GRIN2D: variants seen among roughly 807,000 people sequenced by gnomAD.
The protein encoded by GRIN2D is glutamate receptor ionotropic, NMDA 2D.
A neutral mutation model predicts 103.2 loss-of-function variants in GRIN2D; 37 were observed. The ratio of observed to expected loss-of-function variants is 0.36; its 90% confidence interval spans 0.28 to 0.47. GRIN2D has a LOEUF of 0.47. Among genes scored for constraint, GRIN2D ranks in the 20% least tolerant of loss-of-function variants. GRIN2D has a pLI of 1.00. For synonymous variants in GRIN2D, 845 were observed against 885.6 expected, an observed-to-expected ratio of 0.95 and a Z score of 0.81; for missense variants, 1,557 against 1,910.6, an observed-to-expected ratio of 0.81 and a Z score of 3.45.
chr19:48,432,555 T>C (rs1387193289), intron 11 of GRIN2D, among the ~76,000 whole-genome samples: 1 of 151,484 alleles, frequency 6.6e-6, no homozygotes, highest in Non-Finnish European at 1.5e-5. Flanking sequence ...CATAGCTCAC[T>C]GCAGCCTTGA....
intron 3 of GRIN2D, 93 bp downstream of exon 3, chr19:48,398,950 A>C: frequency 4.0e-5 from 10 of 252,452 alleles, no homozygotes; most frequent in East Asian, 3.8e-4. Context: ...CGGGGCCTAG[A>C]GGGGGCGGGG....
In GRIN2D at chr19:48,443,624, C is replaced by T; in HGVS notation, c.3698C>T (p.Pro1233Leu). 9.2e-7 allele frequency: 1 copy of T among 1,081,246 alleles called. No individual in the cohort carries two copies. Among genetic ancestry groups the T allele is most frequent in the African/African-American group, 1.7e-5 (1 of 58,828 alleles). 67.0% of individuals were successfully genotyped at this position (1,081,246 alleles called of 1,614,324 possible). The change falls in exon 14 of 14, where the codon CCG becomes CTG. Residue 1233 changes from proline (P) to leucine (L), a missense_variant. Transcript: ENST00000263269. This position sits in a 1 kb window ranked among gnomAD's most constrained non-coding sequence, Gnocchi z 8.9. ...CGCTGCGGGTGCCCGCGGTCGCACC[C>T]GCACCGCCCGCGGGCCTCGCACCGC... ...RARCGCPRSHPHRPRASHRTP... is the reference protein window; with the variant it reads ...RARCGCPRSHLHRPRASHRTP...
chr19:48,441,362 C>CAAAAAA (rs1173219939), intron 11 of GRIN2D, among the ~76,000 whole-genome samples: 8 of 127,320 alleles, frequency 6.3e-5, no homozygotes, highest in African/African-American at 2.3e-4. Context: ...GACTCTGTCT[C>CAAAAAA]AAAAAAAAAA....
intron 3 of GRIN2D, 35 bp downstream of exon 3, chr19:48,398,892 G>A (rs948096731): frequency 1.8e-5 from 23 of 1,307,636 alleles, no homozygotes; most frequent in African/African-American, 3.1e-5. Context: ...GGCCACAGGA[G>A]GGGCGGGGAC....
rs1970601010 is a variant in GRIN2D, at chr19:48,394,155, G to A, written c.-306+287G>A. Among the ~76,000 whole-genome samples, 2 of 152,066 alleles carry A rather than the reference G, an allele frequency of 1.3e-5. No individual in the cohort carries two copies. The highest frequency in any genetic ancestry group is 1.3e-4 in the Admixed American group (2 of 15,276). Reference sequence around the variant, plus strand: ...CAAACAGCCCCTATCAGCAGTGGCAGCCTGGCCCCCATTAGACCCCCCACT... The same window carrying A: ...CAAACAGCCCCTATCAGCAGTGGCAACCTGGCCCCCATTAGACCCCCCACT... On this transcript the variant is annotated intron_variant, in intron 1 of 13. Transcript: ENST00000263269. This position sits in a 1 kb window ranked among gnomAD's most constrained non-coding sequence, Gnocchi z 5.1.
rs377156868 is a variant in GRIN2D at position 48,405,099 on chromosome 19, C to G, written c.831C>G (p.Pro277=). ...GSGYVWFMVG[P]QLAGGGGSGA... is the part of the protein sequence containing the mutation. Reference sequence around the variant, plus strand: ...GCTACGTCTGGTTCATGGTGGGGCCCCAGCTGGCTGGAGGCGGGGGCTCTG... The same window carrying G: ...GCTACGTCTGGTTCATGGTGGGGCCGCAGCTGGCTGGAGGCGGGGGCTCTG... Residue 277 remains proline (P), a synonymous_variant, in exon 4 of 14, where the codon CCC becomes CCG. Coordinates refer to ENST00000263269, the MANE Select transcript of GRIN2D (RefSeq NM_000836.4). The surrounding 1 kb of genome is among the most constrained non-coding windows in gnomAD (Gnocchi z 5.1). 198 of 1,595,436 alleles carry G rather than the reference C, an allele frequency of 1.2e-4. No homozygotes were observed. Among genetic ancestry groups the G allele is most frequent in the Non-Finnish European group, 1.7e-4 (194 of 1,170,642 alleles).
At chr19:48,431,379 C>T (rs1278631179) in intron 11 of GRIN2D, among the ~76,000 whole-genome samples, 3 of 152,176 alleles carry the variant, frequency 2.0e-5, no homozygotes, top group Non-Finnish European at 4.4e-5. Flanking sequence ...ACTTGATGGA[C>T]AGTCAGGCTG....
chr19:48,418,686 C>T (rs144474077), intron 8 of GRIN2D, among the ~76,000 whole-genome samples: 114 of 152,132 alleles, frequency 7.5e-4, no homozygotes, highest in South Asian at 4.6e-3. Flanking sequence ...GGGAGGACGG[C>T]AAATGAGGTT....
rs1001282692 is a variant in GRIN2D, at chr19:48,408,223, A to T, written c.1085+2870A>T. On this transcript the variant is annotated intron_variant, in intron 4 of 13. Coordinates refer to ENST00000263269, the MANE Select transcript of GRIN2D (RefSeq NM_000836.4). ...GTGGCGGGCGCCTGTAGTCCCAGCT[A>T]CTCGGGAGGCTGAGGCAGGAGAATG... Among the ~76,000 whole-genome samples the T allele has an allele frequency of 4.7e-5, 7 of 148,832 alleles. 2 individuals carry two copies. Among genetic ancestry groups the T allele is most frequent in the South Asian group, 2.1e-4 (1 of 4,658 alleles).
chr19:48,404,020 A>G (rs1036028584), intron 3 of GRIN2D, among the ~76,000 whole-genome samples: 2 of 152,192 alleles, frequency 1.3e-5, no homozygotes, highest in African/African-American at 4.8e-5. Context: ...CGGGTGGATC[A>G]TCTGAGGTCA....
rs961621568 is a variant in GRIN2D, at chr19:48,393,858, C to A, written c.-316C>A. Among the ~76,000 whole-genome samples, 5 of 152,074 alleles carry A rather than the reference C, an allele frequency of 3.3e-5. No homozygotes were observed. Among genetic ancestry groups the A allele is most frequent in the South Asian group, 2.1e-4 (1 of 4,816 alleles). On this transcript the variant is annotated 5_prime_UTR_variant, in exon 1 of 14. Coordinates refer to ENST00000263269, the MANE Select transcript of GRIN2D (RefSeq NM_000836.4). The surrounding 1 kb of genome is among the most constrained non-coding windows in gnomAD (Gnocchi z 5.6). ...CCCCCAGGGGTCTCTCGAGCGTCTG[C>A]CATCTGCCCGGTGAGGATCTGTGTG... is the stretch of plus-strand genomic sequence containing the variant.
In GRIN2D at chr19:48,443,225, C is replaced by A. The variant is rs1455185279; in HGVS notation, c.3299C>A (p.Pro1100Gln). Residue 1100 changes from proline (P) to glutamine (Q), a missense_variant, in exon 14 of 14, where the codon CCG becomes CAG. Pro to Gln is a moderately conservative substitution (Grantham distance 76). Transcript: ENST00000263269. This position sits in a 1 kb window ranked among gnomAD's most constrained non-coding sequence, Gnocchi z 8.9. ...GCTCCGCCCCCGTGCCGCGCCGCGC[C>A]GCCCCCGTGCCCTTACCTCGATCTC... ...PAAPPPCRAA[P>Q]PPCPYLDLEP... 7 of 1,346,970 alleles carry A rather than the reference C, an allele frequency of 5.2e-6. No individual in the cohort carries two copies. In the African/African-American group the frequency reaches 6.1e-5, roughly 12 times the overall value. The allele number at this position is 1,346,970 out of a possible 1,614,324, so 83.4% of individuals were successfully genotyped here.
intron 7 of GRIN2D, 37 bp downstream of exon 7, chr19:48,415,069 C>T: frequency 3.3e-6 from 5 of 1,538,446 alleles, no homozygotes; most frequent in Non-Finnish European, 4.4e-6. Flanking sequence ...ATCTTCGGGG[C>T]GGAGTCGAGA....
chr19:48,395,160 C>T (rs568496914), intron 2 of GRIN2D, among the ~76,000 whole-genome samples: 5 of 151,994 alleles, frequency 3.3e-5, no homozygotes, highest in Admixed American at 6.5e-5. Flanking sequence ...AGACCTTTCA[C>T]GCCCCCATTT....
rs769021648 is a variant in GRIN2D at position 48,443,434 on chromosome 19, C to A, written c.3508C>A (p.Pro1170Thr). Reference protein sequence around the residue: ...GWRAGSWDYLPPRSGPAAWHC... With the variant: ...GWRAGSWDYLTPRSGPAAWHC... ...GCGCGCCGGGAGCTGGGACTACCTG[C>A]CCCCGCGCAGCGGTCCGGCCGCCTG... The change falls in exon 14 of 14, where the codon CCC becomes ACC. Residue 1170 changes from proline to threonine, a missense_variant. Pro to Thr is a conservative substitution (Grantham distance 38). Around this residue, in one of 7 missense-constraint regions of GRIN2D, gnomAD observed 632 missense variants for 572.8 expected, o/e 1.10. Coordinates refer to ENST00000263269, the MANE Select transcript of GRIN2D (RefSeq NM_000836.4). The surrounding 1 kb of genome is among the most constrained non-coding windows in gnomAD (Gnocchi z 8.9). The A allele has an allele frequency of 1.4e-6, 2 of 1,389,854 alleles. No homozygotes were observed. The highest frequency in any genetic ancestry group is 3.3e-5 in the Admixed American group (1 of 30,302). 86.1% of individuals were successfully genotyped at this position (1,389,854 alleles called of 1,614,324 possible).
rs1360207254 is a variant in GRIN2D at position 48,398,416 on chromosome 19, CGGCCCTCGG to C, written c.30_38del (p.Arg11_Pro13del). On this transcript the variant is annotated inframe_deletion, in exon 3 of 14. Coordinates refer to ENST00000263269, the MANE Select transcript of GRIN2D (RefSeq NM_000836.4). ...CGATGCGCGGCGCCGGTGGCCCCCG[CGGCCCTCGG>C]GGCCCCGCTAAGATGCTGCTGCTGC... 6 of 1,117,444 alleles carry C rather than the reference CGGCCCTCGG, an allele frequency of 5.4e-6. No homozygotes were observed. The highest frequency in any genetic ancestry group is 1.7e-5 in the African/African-American group (1 of 60,152). The allele number at this position is 1,117,444 out of a possible 1,614,324, so 69.2% of individuals were successfully genotyped here. A position where few individuals can be genotyped will look rare whatever the true frequency, so the allele number is the denominator to read the frequency against.
In GRIN2D at chr19:48,414,140, G is replaced by A. The variant is rs1326738530; in HGVS notation, c.1200+35G>A. 1 of 1,264,578 alleles carries A rather than the reference G, an allele frequency of 7.9e-7. No individual in the cohort carries two copies. The highest frequency in any genetic ancestry group is 1.7e-5 in the Admixed American group (1 of 58,370). The allele number at this position is 1,264,578 out of a possible 1,614,324, so 78.3% of individuals were successfully genotyped here. On this transcript the variant is annotated intron_variant, in intron 5 of 13. Transcript: ENST00000263269. This position sits in a 1 kb window ranked among gnomAD's most constrained non-coding sequence, Gnocchi z 4.6. ...AGCCCCAGACCTCAGGCATGGCAGA[G>A]GGTGTGGACTCCTGCATCCTGGCAG... is the stretch of plus-strand genomic sequence containing the variant.
intron 11 of GRIN2D, among the ~76,000 whole-genome samples, chr19:48,437,028 A>G (rs1971240652): frequency 6.6e-6 from 1 of 152,214 alleles, no homozygotes; most frequent in Non-Finnish European, 1.5e-5. Context: ...GAGTGGGAAC[A>G]AACAAGAAAG....
chr19:48,401,394 G>A (rs1970709455), intron 3 of GRIN2D, among the ~76,000 whole-genome samples: 1 of 152,198 alleles, frequency 6.6e-6, no homozygotes, highest in South Asian at 2.1e-4. Flanking sequence ...TAATGACTGA[G>A]GATGGAGTTT....
Sources: gnomAD v4.1 joint callset for allele counts (sites outside exome capture counted in the v4.1 genomes callset) on GRCh38, gnomAD v4.1.1 for gene constraint, gnomAD v4.1.1 regional missense constraint, Gnocchi (gnomAD v3.1) non-coding constraint, MANE v1.5 for transcripts, NCBI Gene and HGNC (gene_info 2026-07-23, HGNC 2026-07-21) for gene names.